The following AKR1C8 variants were observed in gnomAD, a reference collection of about 807,000 sequenced individuals.
AKR1C8 encodes the protein aldo-keto reductase family 1 member C-like protein 1.
At chr10:5,145,184 C>T in the AKR1C8 span, among the ~76,000 whole-genome samples, 4 of 152,150 alleles carry the variant, frequency 2.6e-5, no homozygotes, top group South Asian at 4.1e-4. Context: ...TATTGATTTG[C>T]ATATATCAAT....
the AKR1C8 span, among the ~76,000 whole-genome samples, chr10:5,122,825 T>C: frequency 2.9e-3 from 447 of 152,110 alleles, 2 homozygotes; most frequent in African/African-American, 0.01. Context: ...GTTCTACACA[T>C]AGAAAGAGAC....
chr10:5,120,924 G>A, the AKR1C8 span, among the ~76,000 whole-genome samples: 1 of 152,022 alleles, frequency 6.6e-6, no homozygotes, highest in East Asian at 1.9e-4. Context: ...AGCAAAATGA[G>A]CATATATTTC....
chr10:5,178,013 T>C, the AKR1C8 span, among the ~76,000 whole-genome samples: 1 of 152,196 alleles, frequency 6.6e-6, no homozygotes, highest in South Asian at 2.1e-4. Context: ...ACTTCTTGCC[T>C]TCTGCTAGCT....
the AKR1C8 span, among the ~76,000 whole-genome samples, chr10:5,141,077 G>A: frequency 3.3e-5 from 5 of 152,092 alleles, no homozygotes; most frequent in African/African-American, 1.2e-4. Context: ...CTGTAACCCA[G>A]CCACTGCTTT....
At chr10:5,174,468 A>C in the AKR1C8 span, among the ~76,000 whole-genome samples, 1 of 152,094 alleles carries the variant, frequency 6.6e-6, no homozygotes, top group African/African-American at 2.4e-5. Flanking sequence ...TATACAAGTC[A>C]TATACTAAAT....
At chr10:5,136,032 C>A in the AKR1C8 span, among the ~76,000 whole-genome samples, 1 of 152,110 alleles carries the variant, frequency 6.6e-6, no homozygotes, top group East Asian at 1.9e-4. Flanking sequence ...CTTTGGACAT[C>A]ATTTGTAATA....
the AKR1C8 span, chr10:5,158,709 C>T: frequency 2.1e-6 from 1 of 486,020 alleles, no homozygotes; most frequent in Non-Finnish European, 4.3e-6. Context: ...TGACATTCCA[C>T]CTGTAATTTT....
At chr10:5,124,827 C>T in the AKR1C8 span, among the ~76,000 whole-genome samples, 1 of 152,130 alleles carries the variant, frequency 6.6e-6, no homozygotes, top group Non-Finnish European at 1.5e-5. Flanking sequence ...TCAAAATTAG[C>T]ATGACTAATT....
chr10:5,178,954 A>T, the AKR1C8 span, among the ~76,000 whole-genome samples: 1 of 152,174 alleles, frequency 6.6e-6, no homozygotes, highest in Non-Finnish European at 1.5e-5. Context: ...TGTGTCTTTT[A>T]ATTGGAGCAT....
At chr10:5,162,853 C>T in the AKR1C8 span, 1 of 532,736 alleles carries the variant, frequency 1.9e-6, no homozygotes, top group South Asian at 1.4e-5. Context: ...GAACTTTCAC[C>T]TTGATGGTGT....
At chr10:5,151,793 G>C in the AKR1C8 span, among the ~76,000 whole-genome samples, 9,301 of 152,140 alleles carry the variant, frequency 0.061, 344 homozygotes, top group Middle Eastern at 0.082. Flanking sequence ...CTGACCTCAG[G>C]TGATCTGCCC....
chr10:5,161,908 A>C, the AKR1C8 span: 1 of 534,632 alleles, frequency 1.9e-6, no homozygotes, highest in Non-Finnish European at 3.8e-6. Context: ...GTCCGGTCCA[A>C]GTTTCTTCAG....
the AKR1C8 span, chr10:5,184,941 G>GGCT: frequency 2.0e-6 from 1 of 504,280 alleles, no homozygotes; most frequent in Non-Finnish European, 4.1e-6. Flanking sequence ...CCAAGTGCAG[G>GGCT]GCTCTTGCCT....
chr10:5,146,258 G>C, the AKR1C8 span, among the ~76,000 whole-genome samples: 1 of 151,252 alleles, frequency 6.6e-6, no homozygotes, highest in Non-Finnish European at 1.5e-5. Flanking sequence ...TAGATGACGA[G>C]TTAGTGGGTG....
At chr10:5,170,110 C>A in the AKR1C8 span, among the ~76,000 whole-genome samples, 1 of 152,028 alleles carries the variant, frequency 6.6e-6, no homozygotes, top group Non-Finnish European at 1.5e-5. Context: ...TAGTTGTTGG[C>A]ACCAGCAGTG....
At chr10:5,162,059 T>C in the AKR1C8 span, 5 of 458,970 alleles carry the variant, frequency 1.1e-5, no homozygotes, top group Non-Finnish European at 1.8e-5. Context: ...CATTGAGATA[T>C]GAGTCTTAAA....
At chr10:5,157,826 T>C in the AKR1C8 span, 5 of 460,316 alleles carry the variant, frequency 1.1e-5, no homozygotes, top group African/African-American at 2.0e-5. Context: ...CAGACACAGA[T>C]GTGAAGGATG....
the AKR1C8 span, among the ~76,000 whole-genome samples, chr10:5,124,069 C>G: frequency 1.3e-5 from 2 of 152,130 alleles, no homozygotes; most frequent in Non-Finnish European, 2.9e-5. Flanking sequence ...TATCTAACTA[C>G]CTTTGACCAC....
At chr10:5,165,195 G>T in the AKR1C8 span, among the ~76,000 whole-genome samples, 88 of 152,204 alleles carry the variant, frequency 5.8e-4, 1 homozygote, top group African/African-American at 2.1e-3. Flanking sequence ...CATTTGGGTT[G>T]TCTTTCCTCC....
Sources: gnomAD v4.1 joint callset for allele counts (sites outside exome capture counted in the v4.1 genomes callset) on GRCh38, gnomAD v4.1.1 for gene constraint, MANE v1.5 for transcripts, NCBI Gene and HGNC (gene_info 2026-07-23, HGNC 2026-07-21) for gene names.